The following SMIM41 variants were observed in gnomAD, a reference collection of about 807,000 sequenced individuals.
The protein encoded by SMIM41 is small integral membrane protein 41.
chr12:52,093,432 C>T (rs1488330718), intron 2 of SMIM41: 2 of 152,144 alleles, frequency 1.3e-5, no homozygotes, highest in Non-Finnish European at 2.9e-5. Flanking sequence ...AGGCCTGTTC[C>T]TTGCAGGTGG....
chr12:52,097,206 A>G (rs1367460639), intron 2 of SMIM41, among the ~76,000 whole-genome samples: 1 of 152,062 alleles, frequency 6.6e-6, no homozygotes, highest in African/African-American at 2.4e-5. Context: ...TGCTCCCAAT[A>G]TCCCAGGGGG....
intron 2 of SMIM41, among the ~76,000 whole-genome samples, chr12:52,106,875 C>T (rs1170459115): frequency 6.6e-6 from 1 of 152,188 alleles, no homozygotes; most frequent in African/African-American, 2.4e-5. Flanking sequence ...AGCTGTTATA[C>T]AGTGTTTATA....
At chr12:52,099,513 TG>T (rs78186910) in intron 2 of SMIM41, among the ~76,000 whole-genome samples, 1 of 151,484 alleles carries the variant, frequency 6.6e-6, no homozygotes, top group South Asian at 2.1e-4. Flanking sequence ...TATCACGGGG[TG>T]GGGGGTGTAC....
At chr12:52,093,407 C>T (rs1267564241) in intron 2 of SMIM41, among the ~76,000 whole-genome samples, 3 of 152,086 alleles carry the variant, frequency 2.0e-5, no homozygotes, top group Non-Finnish European at 4.4e-5. Context: ...TCCTGTAGCA[C>T]GGTTGTCACA....
chr12:52,089,987 G>T (rs547305783), intron 2 of SMIM41, among the ~76,000 whole-genome samples: 2 of 152,188 alleles, frequency 1.3e-5, no homozygotes, highest in Non-Finnish European at 2.9e-5. Context: ...AGCAGGGAGG[G>T]TGCATGGAGA....
At chr12:52,104,874 A>T (rs1342377786) in intron 2 of SMIM41, among the ~76,000 whole-genome samples, 2 of 152,118 alleles carry the variant, frequency 1.3e-5, no homozygotes, top group Non-Finnish European at 2.9e-5. Flanking sequence ...ACCCTTACTG[A>T]GGGCTTCCTA....
intron 2 of SMIM41, among the ~76,000 whole-genome samples, chr12:52,097,216 G>A (rs546368339): frequency 1.3e-5 from 2 of 152,056 alleles, no homozygotes; most frequent in African/African-American, 4.8e-5. Context: ...ATCCCAGGGG[G>A]TGTATAGTAT....
Position 52,079,895 on chromosome 12 carries a change from T to G in SMIM41, c.116T>G (p.Val39Gly). Residue 39 changes from valine to glycine, a missense_variant, in exon 1 of 3, where the codon GTG becomes GGG. Coordinates refer to ENST00000546390, the MANE Select transcript of SMIM41 (RefSeq NM_001369216.1). ...PEGPRAVQAV[V>G]LGVLSLLVLC... is the part of the protein sequence containing the mutation. ...GGGCCGCGCGCGGTGCAGGCGGTGGTGCTCGGCGTGCTGTCCCTGCTGGTG... is the reference window on the plus strand; with the variant it reads ...GGGCCGCGCGCGGTGCAGGCGGTGGGGCTCGGCGTGCTGTCCCTGCTGGTG... 1 of 389,364 alleles carries G rather than the reference T, an allele frequency of 2.6e-6. No homozygotes were observed. The highest frequency in any genetic ancestry group is 4.5e-6 in the Non-Finnish European group (1 of 220,012). The allele number at this position is 389,364 out of a possible 1,614,324, so 24.1% of individuals were successfully genotyped here.
At chr12:52,099,263 G>A (rs893557469) in intron 2 of SMIM41, among the ~76,000 whole-genome samples, 1 of 151,696 alleles carries the variant, frequency 6.6e-6, no homozygotes, top group African/African-American at 2.4e-5. Flanking sequence ...ACCAAATCAC[G>A]GGGATTGTAC....
chr12:52,104,725 C>A (rs1252977859), intron 2 of SMIM41, among the ~76,000 whole-genome samples: 1 of 152,116 alleles, frequency 6.6e-6, no homozygotes, highest in Non-Finnish European at 1.5e-5. Flanking sequence ...TCCTCCCCCA[C>A]TGGTTGTCCT....
intron 2 of SMIM41, among the ~76,000 whole-genome samples, chr12:52,084,403 CAAAA>C (rs1248893744): frequency 4.7e-5 from 7 of 149,272 alleles, no homozygotes; most frequent in South Asian, 2.1e-4. Flanking sequence ...AAAAAACAAA[CAAAA>C]ACCACAAAAA....
chr12:52,090,768 AGTT>A (rs1339632011), intron 2 of SMIM41, among the ~76,000 whole-genome samples: 4 of 152,184 alleles, frequency 2.6e-5, no homozygotes, highest in Non-Finnish European at 5.9e-5. Flanking sequence ...ATGAGTTCTC[AGTT>A]GTTGGAAATC....
chr12:52,089,306 G>C (rs1939943877), intron 2 of SMIM41, among the ~76,000 whole-genome samples: 1 of 152,036 alleles, frequency 6.6e-6, no homozygotes, highest in Non-Finnish European at 1.5e-5. Flanking sequence ...TCTGAAACCT[G>C]TAGGGGGGTC....
intron 2 of SMIM41, among the ~76,000 whole-genome samples, chr12:52,096,410 C>G (rs1445506346): frequency 1.3e-5 from 2 of 152,000 alleles, no homozygotes; most frequent in South Asian, 2.1e-4. Context: ...ATACCATGCT[C>G]TCTCCCTCCC....
At chr12:52,084,224 A>G (rs971195197) in intron 2 of SMIM41, among the ~76,000 whole-genome samples, 2 of 152,048 alleles carry the variant, frequency 1.3e-5, no homozygotes. Flanking sequence ...AAATACAAAA[A>G]TTAGCTGGAT....
intron 2 of SMIM41, among the ~76,000 whole-genome samples, chr12:52,085,666 T>C (rs562800219): frequency 1.5e-3 from 209 of 140,150 alleles, no homozygotes; most frequent in African/African-American, 5.1e-3. Context: ...TGTTTGACTC[T>C]GTGCTAACCC....
chr12:52,106,816 C>G (rs1320250759), intron 2 of SMIM41, among the ~76,000 whole-genome samples: 1 of 152,232 alleles, frequency 6.6e-6, no homozygotes, highest in Non-Finnish European at 1.5e-5. Context: ...GAACTATTTT[C>G]TGCTTATGAA....
intron 2 of SMIM41, among the ~76,000 whole-genome samples, chr12:52,095,860 G>A (rs1317960357): frequency 6.6e-6 from 1 of 151,450 alleles, no homozygotes; most frequent in Non-Finnish European, 1.5e-5. Context: ...CGATATGGGG[G>A]GTAGTATCAT....
At chr12:52,082,731 C>T (rs551832676) in intron 1 of SMIM41, among the ~76,000 whole-genome samples, 34 of 152,292 alleles carry the variant, frequency 2.2e-4, no homozygotes, top group African/African-American at 7.9e-4. Flanking sequence ...CTTGCCCTAA[C>T]CTTCCTCCAG....
Sources: gnomAD v4.1 joint callset for allele counts (sites outside exome capture counted in the v4.1 genomes callset) on GRCh38, gnomAD v4.1.1 for gene constraint, MANE v1.5 for transcripts, NCBI Gene and HGNC (gene_info 2026-07-23, HGNC 2026-07-21) for gene names.